Variants in NBAS observed in about 807,000 individuals in gnomAD.
The protein encoded by NBAS is NAG/BC035112 fusion.
NBAS carries 219 observed loss-of-function variants against 302.5 expected under a neutral mutation model. That is an observed-to-expected ratio of 0.72 (90% CI 0.65 to 0.81). The LOEUF (loss-of-function observed/expected upper bound fraction) is 0.81, where lower values mean the gene tolerates loss of function less well. NBAS is among the 30% of genes least tolerant of loss of function. The pLI is 0.00. For missense variants in NBAS, 2,932 were observed against 2,841.6 expected, an observed-to-expected ratio of 1.03 and a Z score of -0.72; for synonymous variants, 1,118 against 1,021.6, an observed-to-expected ratio of 1.09 and a Z score of -1.80.
chr2:14,890,736 T>G, the NBAS span: 6 of 152,596 alleles, frequency 3.9e-5, no homozygotes, highest in African/African-American at 7.2e-5. Context: ...AAGAATCACT[T>G]GAACCCAGGA....
rs1572779064 is a variant in NBAS at position 15,396,300 on chromosome 2, C to A, written c.3134+113G>T. 9 of 820,668 alleles carry A rather than the reference C, an allele frequency of 1.1e-5. No individual in the cohort carries two copies. In the East Asian group the frequency reaches 2.5e-4, roughly 23 times the overall value. 50.8% of individuals were successfully genotyped at this position (820,668 alleles called of 1,614,324 possible). ...AAAATTCACTCCCAAGACAATCAAACAAAAATGAGGTTAAAGTAGAAACGA... is the reference window on the plus strand; with the variant it reads ...AAAATTCACTCCCAAGACAATCAAAAAAAAATGAGGTTAAAGTAGAAACGA... On this transcript the variant is annotated intron_variant, in intron 27 of 51. Transcript: ENST00000281513.
At chr2:15,483,485 C>A in intron 12 of NBAS, 4 of 221,238 alleles carry the variant, frequency 1.8e-5, no homozygotes, top group Non-Finnish European at 2.8e-5. Context: ...AAATTAAGGC[C>A]GAAAATGAGA....
chr2:14,839,511 T>C, the NBAS span, among the ~76,000 whole-genome samples: 1 of 152,060 alleles, frequency 6.6e-6, no homozygotes, highest in African/African-American at 2.4e-5. Flanking sequence ...CCCTGTAACT[T>C]AGCCAATGGA....
intron 47 of NBAS, among the ~76,000 whole-genome samples, chr2:15,223,494 C>T (rs1308638323): frequency 6.6e-6 from 1 of 151,910 alleles, no homozygotes; most frequent in African/African-American, 2.4e-5. Context: ...ACTTAATGAG[C>T]TTAAAAATTA....
At chr2:15,374,213 AT>A (rs1281955557) in intron 31 of NBAS, among the ~76,000 whole-genome samples, 1 of 152,196 alleles carries the variant, frequency 6.6e-6, no homozygotes. Context: ...GAAAAAAACT[AT>A]TTTTATTTAT....
chr2:14,889,507 G>A, the NBAS span, among the ~76,000 whole-genome samples: 671 of 152,284 alleles, frequency 4.4e-3, 8 homozygotes, highest in Admixed American at 0.015. Context: ...ACCAAAAGGA[G>A]TCCGCATAGC....
intron 40 of NBAS, among the ~76,000 whole-genome samples, chr2:15,296,844 T>C (rs948674561): frequency 3.3e-5 from 5 of 151,998 alleles, no homozygotes; most frequent in African/African-American, 1.2e-4. Flanking sequence ...ATCTCAAAAA[T>C]AAATAAATAA....
intron 9 of NBAS, among the ~76,000 whole-genome samples, chr2:15,522,707 A>C (rs748406405): frequency 6.6e-6 from 1 of 152,240 alleles, no homozygotes; most frequent in Non-Finnish European, 1.5e-5. Context: ...TAGGAGCGAT[A>C]TGCAGTTGAC....
At chr2:14,824,691 A>C in the NBAS span, among the ~76,000 whole-genome samples, 8 of 152,296 alleles carry the variant, frequency 5.3e-5, no homozygotes, top group East Asian at 1.9e-4. Flanking sequence ...GTGCTGGTCT[A>C]TAAAAAGCAC....
At chr2:15,277,828 G>A (rs1181566306) in intron 42 of NBAS, among the ~76,000 whole-genome samples, 2 of 152,178 alleles carry the variant, frequency 1.3e-5, no homozygotes, top group Non-Finnish European at 2.9e-5. Context: ...TTTAGAAGGG[G>A]AAAGGAGGGG....
chr2:15,088,481 T>C, the NBAS span, among the ~76,000 whole-genome samples: 1 of 152,216 alleles, frequency 6.6e-6, no homozygotes, highest in South Asian at 2.1e-4. Context: ...GGCACTTATT[T>C]CCTCTTCTGT....
chr2:15,290,743 G>A (rs1279385366), intron 41 of NBAS, among the ~76,000 whole-genome samples: 3 of 152,236 alleles, frequency 2.0e-5, no homozygotes, highest in Non-Finnish European at 2.9e-5. Context: ...ACTAAATGAC[G>A]TTATGAAATT....
the NBAS span, among the ~76,000 whole-genome samples, chr2:14,784,972 C>G: frequency 3.3e-5 from 5 of 152,032 alleles, no homozygotes; most frequent in Non-Finnish European, 7.4e-5. Context: ...TCTTCCATTT[C>G]TTTGTATCCT....
chr2:15,183,431 C>A (rs1312953064), intron 50 of NBAS, among the ~76,000 whole-genome samples: 3 of 152,174 alleles, frequency 2.0e-5, no homozygotes, highest in Non-Finnish European at 4.4e-5. Flanking sequence ...TGATAACGAC[C>A]TACTTTGCAA....
At chr2:14,889,905 ATAT>A in the NBAS span, among the ~76,000 whole-genome samples, 4 of 152,236 alleles carry the variant, frequency 2.6e-5, no homozygotes, top group Admixed American at 6.5e-5. Flanking sequence ...TCACATACAC[ATAT>A]TCATTGGACT....
At chr2:14,817,004 G>A in the NBAS span, among the ~76,000 whole-genome samples, 1 of 152,122 alleles carries the variant, frequency 6.6e-6, no homozygotes, top group African/African-American at 2.4e-5. Context: ...AAGTAGAGGT[G>A]ACTCCATAAA....
At chr2:14,920,092 T>C in the NBAS span, among the ~76,000 whole-genome samples, 1 of 152,186 alleles carries the variant, frequency 6.6e-6, no homozygotes, top group African/African-American at 2.4e-5. Flanking sequence ...ATTTCCCAAA[T>C]AATAAGACTT....
At chr2:15,269,032 A>G (rs1372652276) in intron 44 of NBAS, among the ~76,000 whole-genome samples, 1 of 152,148 alleles carries the variant, frequency 6.6e-6, no homozygotes, top group Non-Finnish European at 1.5e-5. Context: ...TTCAGTGGAG[A>G]GTTCTGCCCT....
the NBAS span, among the ~76,000 whole-genome samples, chr2:14,830,970 C>T: frequency 6.6e-6 from 1 of 152,160 alleles, no homozygotes; most frequent in African/African-American, 2.4e-5. Flanking sequence ...AAGTGAGGCT[C>T]ATAATCAGCT....
Sources: gnomAD v4.1 joint callset for allele counts (sites outside exome capture counted in the v4.1 genomes callset) on GRCh38, gnomAD v4.1.1 for gene constraint, MANE v1.5 for transcripts, NCBI Gene and HGNC (gene_info 2026-07-23, HGNC 2026-07-21) for gene names.